SLC2A14: variants seen among roughly 807,000 people sequenced by gnomAD.
SLC2A14 encodes the protein solute carrier family 2, facilitated glucose transporter member 14.
In SLC2A14, 13 loss-of-function variants were observed where a neutral mutation model predicts 43.0. The observed-to-expected ratio is 0.30, with a 90% confidence interval of 0.20 to 0.48. The LOEUF (loss-of-function observed/expected upper bound fraction) is 0.48. Ranked by LOEUF, SLC2A14 falls within the 20% of genes least tolerant of loss-of-function variation. The pLI, the probability that SLC2A14 is intolerant of heterozygous loss-of-function variation, is 0.99. For missense variants in SLC2A14, 428 were observed against 620.4 expected, an observed-to-expected ratio of 0.69 and a Z score of 3.29; for synonymous variants, 190 against 233.8, an observed-to-expected ratio of 0.81 and a Z score of 1.71.
chr12:7,815,061 G>A (rs1218566813), intron 10 of SLC2A14, among the ~76,000 whole-genome samples: 2 of 151,578 alleles, frequency 1.3e-5, no homozygotes, highest in African/African-American at 4.8e-5. Context: ...GCCTCCCAAA[G>A]TGCTGGGATT....
At chr12:7,815,930 T>G (rs936121951) in intron 10 of SLC2A14, among the ~76,000 whole-genome samples, 8 of 146,962 alleles carry the variant, frequency 5.4e-5, no homozygotes, top group Non-Finnish European at 9.0e-5. Flanking sequence ...GATGGAGTTT[T>G]GCTCTTATTG....
At chr12:7,885,986 CCTT>C (rs1315294454) in intron 1 of SLC2A14, among the ~76,000 whole-genome samples, 5 of 150,686 alleles carry the variant, frequency 3.3e-5, no homozygotes, top group Admixed American at 6.7e-5. Context: ...TCTTTTCTTT[CCTT>C]CTTTTTTTTT....
chr12:7,820,637 C>T lies in SLC2A14; in HGVS notation c.969+584G>A, dbSNP rs117605164. 4.5e-3 allele frequency among the ~76,000 whole-genome samples: 685 copies of T among 152,274 alleles called. 24 individuals are homozygous for T. In the East Asian group the frequency reaches 0.064, roughly 14 times the overall value. Reference sequence around the variant, plus strand: ...TTTTAGTGTAAAAACAGAGGAATAACAGTTTGAAAGTTTTTCCAAACACCT... The same window carrying T: ...TTTTAGTGTAAAAACAGAGGAATAATAGTTTGAAAGTTTTTCCAAACACCT... On this transcript the variant is annotated intron_variant, in intron 8 of 10. Coordinates refer to ENST00000431042, the MANE Select transcript of SLC2A14 (RefSeq NM_001286234.2).
chr12:7,890,118 G>GA (rs1256980246), intron 1 of SLC2A14, among the ~76,000 whole-genome samples: 1 of 151,972 alleles, frequency 6.6e-6, no homozygotes, highest in Non-Finnish European at 1.5e-5. Context: ...CTATGACTTA[G>GA]AACATCTTAA....
At chr12:7,822,167 G>A (rs1442588426) in intron 7 of SLC2A14, among the ~76,000 whole-genome samples, 2 of 151,554 alleles carry the variant, frequency 1.3e-5, no homozygotes. Context: ...CGCCATGTTG[G>A]CCAGGTTGGT....
At chr12:7,874,803 TATAA>T (rs1246962910), upstream of SLC2A14, among the ~76,000 whole-genome samples, 1 of 61,216 alleles carries the variant, frequency 1.6e-5, no homozygotes, top group African/African-American at 5.5e-5. Context: ...ATAAATAATA[TATAA>T]ATACGTATTT....
At chr12:7,846,346 C>A (rs780795855) in intron 2 of SLC2A14, among the ~76,000 whole-genome samples, 69 of 151,676 alleles carry the variant, frequency 4.5e-4, no homozygotes, top group Middle Eastern at 3.2e-3. Context: ...CAGAATTATT[C>A]CATTGCTTTA....
At chr12:7,861,670 G>GA (rs200372053) in intron 2 of SLC2A14, among the ~76,000 whole-genome samples, 276 of 151,480 alleles carry the variant, frequency 1.8e-3, no homozygotes, top group African/African-American at 5.7e-3. Flanking sequence ...AACTTTAACT[G>GA]AAAAAAAACA....
chr12:7,857,181 T>C (rs1423907879), intron 2 of SLC2A14, among the ~76,000 whole-genome samples: 1 of 151,478 alleles, frequency 6.6e-6, no homozygotes, highest in East Asian at 1.9e-4. Context: ...ACCCAGGAGG[T>C]GGAGGTTGCA....
intron 1 of SLC2A14, among the ~76,000 whole-genome samples, chr12:7,870,476 C>T (rs1945163839): frequency 6.6e-6 from 1 of 152,124 alleles, no homozygotes; most frequent in Admixed American, 6.6e-5. Context: ...TCCTCCTCTA[C>T]CAGCTCTGCT....
intron 1 of SLC2A14, among the ~76,000 whole-genome samples, chr12:7,883,867 G>A (rs1195881814): frequency 6.6e-6 from 1 of 151,762 alleles, no homozygotes; most frequent in African/African-American, 2.4e-5. Flanking sequence ...ACAGGCATGA[G>A]CCACCACGCC....
intron 2 of SLC2A14, among the ~76,000 whole-genome samples, chr12:7,863,982 ATTT>A (rs1015737524): frequency 1.5e-4 from 22 of 151,516 alleles, no homozygotes; most frequent in Non-Finnish European, 2.7e-4. Context: ...TGCCTGGCTA[ATTT>A]TTTGTGTTTT....
At chr12:7,856,753 C>T (rs755362031) in intron 2 of SLC2A14, among the ~76,000 whole-genome samples, 1 of 152,236 alleles carries the variant, frequency 6.6e-6, no homozygotes, top group Non-Finnish European at 1.5e-5. Flanking sequence ...CGGCTCCACC[C>T]CAGGCCTGCT....
At chr12:7,868,867 G>A (rs1174852672) in intron 2 of SLC2A14, among the ~76,000 whole-genome samples, 1 of 151,900 alleles carries the variant, frequency 6.6e-6, no homozygotes, top group Non-Finnish European at 1.5e-5. Context: ...AAATTATGCC[G>A]GGCTCGTTGG....
intron 1 of SLC2A14, chr12:7,871,281 G>A (rs1945217261): frequency 8.6e-7 from 1 of 1,160,278 alleles, no homozygotes; most frequent in Non-Finnish European, 1.1e-6. Context: ...TGGATGAGAT[G>A]TACTGGGAGG....
chr12:7,828,720 C>T lies in SLC2A14; in HGVS notation c.660G>A (p.Glu220=). ...GATACTCACTCCGCGTAGCATTCTC[C>T]TCTTTTTTTCTGTTAATGAGCAAAA... The part of the protein sequence containing the change: ...PRFLLINRKK[E]ENATRILQRL... Residue 220 remains glutamate (E), a synonymous_variant, in exon 6 of 11, where the codon GAG becomes GAA. Coordinates refer to ENST00000431042, the MANE Select transcript of SLC2A14 (RefSeq NM_001286234.2). 2 of 1,614,078 alleles carry T rather than the reference C, an allele frequency of 1.2e-6. No individual in the cohort carries two copies. The highest frequency in any genetic ancestry group is 1.7e-6 in the Non-Finnish European group (2 of 1,179,972).
chr12:7,862,946 G>A (rs189335371), intron 2 of SLC2A14, among the ~76,000 whole-genome samples: 2 of 152,134 alleles, frequency 1.3e-5, no homozygotes, highest in South Asian at 2.1e-4. Context: ...CAGGCCACTC[G>A]GCTCTACCAA....
chr12:7,824,497 G>A (rs1200187663), intron 7 of SLC2A14, among the ~76,000 whole-genome samples: 5 of 151,910 alleles, frequency 3.3e-5, no homozygotes, highest in Non-Finnish European at 7.4e-5. Context: ...ACTCTGGGAG[G>A]CATAGGCGGG....
rs12318277 is a variant in SLC2A14 at position 7,838,491 on chromosome 12, T to G, written c.19-5677A>C. ...TTTCCCCCATTTCCCCCTTTTGCAA[T>G]GGGAATGTCTAGCCTATGCCTGTCC... On this transcript the variant is annotated intron_variant, in intron 2 of 10. Coordinates refer to ENST00000431042, the MANE Select transcript of SLC2A14 (RefSeq NM_001286234.2). 2.2e-3 allele frequency among the ~76,000 whole-genome samples: 330 copies of G among 152,280 alleles called. 2 individuals are homozygous for G. Among genetic ancestry groups the G allele is most frequent in the African/African-American group, 7.4e-3 (306 of 41,538 alleles).
Sources: gnomAD v4.1 joint callset for allele counts (sites outside exome capture counted in the v4.1 genomes callset) on GRCh38, gnomAD v4.1.1 for gene constraint, MANE v1.5 for transcripts, NCBI Gene and HGNC (gene_info 2026-07-23, HGNC 2026-07-21) for gene names.